The following IGFBP3 variants were observed in gnomAD, a reference collection of about 807,000 sequenced individuals.
The protein encoded by IGFBP3 is insulin like growth factor binding protein 3, also known as insulin-like growth factor-binding protein 3.
In IGFBP3, 9 loss-of-function variants were observed where a neutral mutation model predicts 28.6. That is an observed-to-expected ratio of 0.31 (90% CI 0.19 to 0.55). The LOEUF is 0.55. Among genes scored for constraint, IGFBP3 ranks in the 20% least tolerant of loss-of-function variants. The probability of loss-of-function intolerance (pLI) is 0.93; values close to 1 mark genes in which losing one functional copy is unlikely to be tolerated. For synonymous variants in IGFBP3, 185 were observed against 188.2 expected, an observed-to-expected ratio of 0.98 and a Z score of 0.14; for missense variants, 382 against 428.9, an observed-to-expected ratio of 0.89 and a Z score of 0.97.
At chr7:45,914,967 C>G in intron 3 of IGFBP3, 22 bp from the exon 4 acceptor site, 1 of 1,613,086 alleles carries the variant, frequency 6.2e-7, no homozygotes, top group Non-Finnish European at 8.5e-7. Flanking sequence ...AAACAGAAGA[C>G]AGAGAAGTGA....
At chr7:45,917,087 C>A (rs1784618046) in intron 2 of IGFBP3, 126 bp downstream of exon 2, 1 of 725,126 alleles carries the variant, frequency 1.4e-6, no homozygotes, top group Non-Finnish European at 2.4e-6. Context: ...CACAGAGGGG[C>A]TAGGGGTTGC....
chr7:45,921,238 C>T lies in IGFBP3; in HGVS notation c.-98G>A. On this transcript the variant is annotated 5_prime_UTR_variant, in exon 1 of 5. Transcript: ENST00000613132. ...GCTGTGGAATCCAGGCAGGAAGCGG[C>T]TGATCCTCAGCGCCCAGCCGCAGTG... 5 of 1,383,100 alleles carry T rather than the reference C, an allele frequency of 3.6e-6. No individual in the cohort carries two copies. Among genetic ancestry groups the T allele is most frequent in the Non-Finnish European group, 4.9e-6 (5 of 1,021,678 alleles). The allele number at this position is 1,383,100 out of a possible 1,614,324, so 85.7% of individuals were successfully genotyped here. A position where few individuals can be genotyped will look rare whatever the true frequency, so the allele number is the denominator to read the frequency against.
rs1202318747 is a variant in IGFBP3, at chr7:45,914,828, T to A, written c.868A>T (p.Ser290Cys). The A allele has an allele frequency of 6.2e-7, 1 of 1,613,924 alleles. No homozygotes were observed. The highest frequency in any genetic ancestry group is 8.5e-7 in the Non-Finnish European group (1 of 1,179,942). Residue 290 changes from serine (S) to cysteine (C), a missense_variant, in exon 4 of 5, where the codon AGC (serine) becomes TGC (cysteine). Physicochemically the swap from Ser to Cys is moderately radical, Grantham distance 112 (BLOSUM62 -1). Coordinates refer to ENST00000613132, the MANE Select transcript of IGFBP3 (RefSeq NM_000598.5). ...KEDVHCYSMQ[S>C]K The stretch of plus-strand genomic sequence containing the variant: ...ACCCTTGCGGCAGGCGTCTACTTGC[T>A]CTGCATGCTGTAGCAGTGCACGTCC...
chr7:45,915,832 G>A (rs1017913177), intron 3 of IGFBP3, among the ~76,000 whole-genome samples: 2 of 152,196 alleles, frequency 1.3e-5, no homozygotes, highest in Non-Finnish European at 2.9e-5. Flanking sequence ...AAGACCACAT[G>A]GCCAGTTTGG....
Position 45,921,160 on chromosome 7 carries a change from C to G in IGFBP3, c.-20G>C, listed in dbSNP as rs1322656983. On this transcript the variant is annotated 5_prime_UTR_variant, in exon 1 of 5. Coordinates refer to ENST00000613132, the MANE Select transcript of IGFBP3 (RefSeq NM_000598.5). ...CTGCATGACGCCTGCAACCGGGGCA[C>G]GCTGCTTGGCAGGCTGGGCGCGCAG... is the stretch of plus-strand genomic sequence containing the variant. The G allele has an allele frequency of 6.7e-7, 1 of 1,502,922 alleles. No homozygotes were observed. Among genetic ancestry groups the G allele is most frequent in the Non-Finnish European group, 8.8e-7 (1 of 1,130,810 alleles). 93.1% of individuals were successfully genotyped at this position (1,502,922 alleles called of 1,614,324 possible). A position where few individuals can be genotyped will look rare whatever the true frequency, so the allele number is the denominator to read the frequency against.
rs765418581 is a variant in IGFBP3, at chr7:45,917,383, C to A, written c.460G>T (p.Val154Phe). Residue 154 changes from valine to phenylalanine, a missense_variant, in exon 2 of 5, where the codon GTC becomes TTC. Coordinates refer to ENST00000613132, the MANE Select transcript of IGFBP3 (RefSeq NM_000598.5). Reference sequence around the variant, plus strand: ...TCAGACACCCGGTGCGTGCTGGAGACGGACGGGCTCTCCACACTGCCGGCG... The same window carrying A: ...TCAGACACCCGGTGCGTGCTGGAGAAGGACGGGCTCTCCACACTGCCGGCG... ...RSAGSVESPS[V>F]SSTHRVSDPK... 1.9e-6 allele frequency: 3 copies of A among 1,613,936 alleles called. No homozygotes were observed. The highest frequency in any genetic ancestry group is 1.7e-4 in the Middle Eastern group (1 of 6,016).
chr7:45,916,953 T>A, intron 2 of IGFBP3: 1 of 565,762 alleles, frequency 1.8e-6, no homozygotes, highest in Non-Finnish European at 3.1e-6. Context: ...GAGAATATTT[T>A]TCATTATCTG....
chr7:45,917,548 G>C, intron 1 of IGFBP3, 109 bp from the exon 2 acceptor site: 1 of 841,642 alleles, frequency 1.2e-6, no homozygotes, highest in Non-Finnish European at 1.8e-6. Context: ...AATATTAGTT[G>C]GCAATCCAAG....
chr7:45,921,188 A>G lies in IGFBP3; in HGVS notation c.-48T>C. 6.7e-7 allele frequency: 1 copy of G among 1,499,102 alleles called. No homozygotes were observed. Among genetic ancestry groups the G allele is most frequent in the Non-Finnish European group, 8.9e-7 (1 of 1,125,040 alleles). The allele number at this position is 1,499,102 out of a possible 1,614,324, so 92.9% of individuals were successfully genotyped here. A position where few individuals can be genotyped will look rare whatever the true frequency, so the allele number is the denominator to read the frequency against. ...TGCTTGGCAGGCTGGGCGCGCAGGG[A>G]TGGGGCGACAGTACACGGCGCGAAG... On this transcript the variant is annotated 5_prime_UTR_variant, in exon 1 of 5. Transcript: ENST00000613132.
At chr7:45,917,063 G>A in intron 2 of IGFBP3, 150 bp downstream of exon 2, 1 of 652,662 alleles carries the variant, frequency 1.5e-6, no homozygotes, top group Non-Finnish European at 2.7e-6. Flanking sequence ...TGTAAGGAGA[G>A]GAGAGAGGTA....
At chr7:45,917,728 T>C (rs1784629932) in intron 1 of IGFBP3, among the ~76,000 whole-genome samples, 1 of 152,196 alleles carries the variant, frequency 6.6e-6, no homozygotes, top group African/African-American at 2.4e-5. Context: ...TGCCCCTCAG[T>C]AGGTGAAGGC....
rs546821918 is a variant in IGFBP3 at position 45,912,450 on chromosome 7, A to G, written c.*1400T>C. 2.3e-4 allele frequency: 35 copies of G among 152,308 alleles called. No homozygotes were observed. Among genetic ancestry groups the G allele is most frequent in the African/African-American group, 8.2e-4 (34 of 41,572 alleles). 9.4% of individuals were successfully genotyped at this position (152,308 alleles called of 1,614,324 possible). A position where few individuals can be genotyped will look rare whatever the true frequency, so the allele number is the denominator to read the frequency against. On this transcript the variant is annotated 3_prime_UTR_variant, in exon 5 of 5. Coordinates refer to ENST00000613132, the MANE Select transcript of IGFBP3 (RefSeq NM_000598.5). ...CCCCCAAAAAGTTAAAAAAATAAAGAAAAGCTAATAGGTAGGCAGAATGTC... is the reference window on the plus strand; with the variant it reads ...CCCCCAAAAAGTTAAAAAAATAAAGGAAAGCTAATAGGTAGGCAGAATGTC...
rs1784563970 is a variant in IGFBP3, at chr7:45,913,001, A to G, written c.*849T>C. 6.6e-6 allele frequency: 1 copy of G among 152,192 alleles called. No homozygotes were observed. The highest frequency in any genetic ancestry group is 1.5e-5 in the Non-Finnish European group (1 of 68,036). 9.4% of individuals were successfully genotyped at this position (152,192 alleles called of 1,614,324 possible). On this transcript the variant is annotated 3_prime_UTR_variant, in exon 5 of 5. Transcript: ENST00000613132. ...CTTCGTCTTGAGTTGTTGAACTACAAAACACTATTTTCTGCAGTCATCCGA... is the reference window on the plus strand; with the variant it reads ...CTTCGTCTTGAGTTGTTGAACTACAGAACACTATTTTCTGCAGTCATCCGA...
chr7:45,915,018 T>C, intron 3 of IGFBP3, 73 bp from the exon 4 acceptor site: 1 of 1,563,972 alleles, frequency 6.4e-7, no homozygotes, highest in Non-Finnish European at 8.7e-7. Flanking sequence ...CCAGGGCGCA[T>C]GATGGTTTGC....
rs1484646049 is a variant in IGFBP3, at chr7:45,921,113, C to A, written c.28G>T (p.Ala10Ser). Residue 10 changes from alanine (A) to serine (S), a missense_variant, in exon 1 of 5, where the codon GCC (alanine) becomes TCC (serine). Physicochemically the swap from Ala to Ser is moderately conservative, Grantham distance 99 (BLOSUM62 1). Coordinates refer to ENST00000613132, the MANE Select transcript of IGFBP3 (RefSeq NM_000598.5). MQRARPTLW[A>S]AALTLLVLLR... is the part of the protein sequence containing the mutation. ...AGCACCAGCAGAGTCAGCGCAGCGG[C>A]CCAGAGCGTGGGTCGCGCCCGCTGC... 5.9e-5 allele frequency: 88 copies of A among 1,494,570 alleles called. 1 individual carries two copies. In the East Asian group the frequency reaches 2.4e-3, roughly 40 times the overall value. 92.6% of individuals were successfully genotyped at this position (1,494,570 alleles called of 1,614,324 possible).
chr7:45,914,702 G>T, intron 4 of IGFBP3, 103 bp downstream of exon 4: 3 of 1,130,802 alleles, frequency 2.7e-6, no homozygotes, highest in Non-Finnish European at 3.8e-6. Context: ...CAGCTCCTGG[G>T]TCTGTAAGCC....
rs1784559834 is a variant in IGFBP3, at chr7:45,912,651, A to G, written c.*1199T>C. On this transcript the variant is annotated 3_prime_UTR_variant, in exon 5 of 5. Transcript: ENST00000613132. ...TTTCCTCAGTCATGGCCACAGTTGT[A>G]TCATATAGCATCTCTAACATTTCAT... 1 of 152,690 alleles carries G rather than the reference A, an allele frequency of 6.5e-6. No individual in the cohort carries two copies. Among genetic ancestry groups the G allele is most frequent in the South Asian group, 2.1e-4 (1 of 4,830 alleles). 9.5% of individuals were successfully genotyped at this position (152,690 alleles called of 1,614,324 possible). A position where few individuals can be genotyped will look rare whatever the true frequency, so the allele number is the denominator to read the frequency against.
chr7:45,920,841 C>A lies in IGFBP3; in HGVS notation c.300G>T (p.Glu100Asp). ...CCAGCAGCGCCTGCAGCGGTCGCGC[C>A]TCGTCGGGCGACGGCTGGCAGCGAA... ...SGLRCQPSPD[E>D]ARPLQALLDG... Residue 100 changes from glutamate to aspartate, a missense_variant, in exon 1 of 5, where the codon GAG becomes GAT. Glu to Asp is a conservative substitution (Grantham distance 45). Coordinates refer to ENST00000613132, the MANE Select transcript of IGFBP3 (RefSeq NM_000598.5). The A allele has an allele frequency of 7.1e-7, 1 of 1,412,752 alleles. No homozygotes were observed. The highest frequency in any genetic ancestry group is 9.2e-7 in the Non-Finnish European group (1 of 1,091,706). The allele number at this position is 1,412,752 out of a possible 1,614,324, so 87.5% of individuals were successfully genotyped here.
chr7:45,920,655 G>A (rs1784672150), intron 1 of IGFBP3, 83 bp downstream of exon 1: 3 of 1,216,518 alleles, frequency 2.5e-6, no homozygotes, highest in Non-Finnish European at 3.1e-6. Context: ...GGAGTCTCCC[G>A]CAGCGGCACC....
Sources: gnomAD v4.1 joint callset for allele counts (sites outside exome capture counted in the v4.1 genomes callset) on GRCh38, gnomAD v4.1.1 for gene constraint, MANE v1.5 for transcripts, NCBI Gene and HGNC (gene_info 2026-07-23, HGNC 2026-07-21) for gene names.